Variants in EAPP observed in about 807,000 individuals in gnomAD.
EAPP encodes E2F-associated phosphoprotein.
In EAPP, 38 loss-of-function variants were observed where a neutral mutation model predicts 34.3. The observed-to-expected ratio is 1.11, with a 90% CI of 0.85 to 1.45. The LOEUF (loss-of-function observed/expected upper bound fraction) is 1.45, where lower values mean the gene tolerates loss of function less well. Ranked by LOEUF, EAPP falls within the 40% of genes most tolerant of loss-of-function variation. The pLI is 0.00. For missense variants in EAPP, 338 were observed against 343.7 expected, an observed-to-expected ratio of 0.98 and a Z score of 0.13; for synonymous variants, 113 against 117.6, an observed-to-expected ratio of 0.96 and a Z score of 0.25.
rs758806326 is a variant in EAPP at position 34,533,475 on chromosome 14, A to G, written c.321T>C (p.Phe107=). 4 of 1,612,242 alleles carry G rather than the reference A, an allele frequency of 2.5e-6. No individual in the cohort carries two copies. The highest frequency in any genetic ancestry group is 2.2e-5 in the East Asian group (1 of 44,672). The change falls in exon 3 of 6, where the codon TTT becomes TTC. Residue 107 remains phenylalanine, a synonymous_variant. Transcript: ENST00000250454. ...TGTCTTCATCCTCGGAATCAGAATC[A>G]AAATATATATCATCGTAGTACCTTG... ...APTRYYDDIY[F]DSDSEDEDRA...
At chr14:34,539,297 T>C in intron 1 of EAPP, 1 of 664,426 alleles carries the variant, frequency 1.5e-6, no homozygotes. Flanking sequence ...CAGGTTTCGA[T>C]CTCATTGCTT....
chr14:34,520,200 T>C (rs974127596), intron 5 of EAPP, among the ~76,000 whole-genome samples: 3 of 147,306 alleles, frequency 2.0e-5, no homozygotes, highest in African/African-American at 7.5e-5. Context: ...TTCTTTCTTT[T>C]CTCTCTTTAT....
At chr14:34,534,837 CA>C (rs1293986703) in intron 2 of EAPP, among the ~76,000 whole-genome samples, 1 of 91,486 alleles carries the variant, frequency 1.1e-5, no homozygotes, top group East Asian at 3.7e-4. Context: ...CCTGTCTCCA[CA>C]AATTTTTTTT....
intron 3 of EAPP, 66 bp from the exon 4 acceptor site, chr14:34,529,541 G>C: frequency 8.7e-7 from 1 of 1,143,216 alleles, no homozygotes; most frequent in Non-Finnish European, 1.3e-6. Context: ...TTTAAATGAA[G>C]AGTCTCATTT....
At chr14:34,528,488 C>G (rs1353483960) in intron 4 of EAPP, among the ~76,000 whole-genome samples, 1 of 119,304 alleles carries the variant, frequency 8.4e-6, no homozygotes, top group Non-Finnish European at 1.6e-5. Flanking sequence ...GTGGCGTGAT[C>G]TCAGCTCACT....
chr14:34,519,221 C>T (rs963319937), intron 5 of EAPP, among the ~76,000 whole-genome samples: 5 of 152,056 alleles, frequency 3.3e-5, no homozygotes, highest in African/African-American at 1.2e-4. Context: ...GCCTGCTTCC[C>T]CTTTGCCTTC....
chr14:34,529,255 G>T, intron 4 of EAPP, 103 bp downstream of exon 4: 2 of 837,254 alleles, frequency 2.4e-6, no homozygotes, highest in Non-Finnish European at 3.7e-6. Context: ...GTGTGTGTGT[G>T]TTTGTGTAAA....
chr14:34,536,934 G>A (rs537629191), intron 1 of EAPP, among the ~76,000 whole-genome samples: 29 of 152,068 alleles, frequency 1.9e-4, no homozygotes, highest in African/African-American at 6.7e-4. Context: ...CTGCACTATA[G>A]TTTTGTAGTA....
chr14:34,532,313 GC>G, intron 3 of EAPP, among the ~76,000 whole-genome samples: 1 of 151,974 alleles, frequency 6.6e-6, no homozygotes, highest in East Asian at 1.9e-4. Flanking sequence ...CAAAAAATTA[GC>G]CAGGCATGGC....
intron 5 of EAPP, among the ~76,000 whole-genome samples, chr14:34,519,970 C>T (rs1594657084): frequency 6.6e-6 from 1 of 151,424 alleles, no homozygotes; most frequent in Non-Finnish European, 1.5e-5. Context: ...CTGCAACCTC[C>T]ACCTCCCTGG....
intron 5 of EAPP, among the ~76,000 whole-genome samples, chr14:34,520,619 A>G (rs954102234): frequency 2.6e-5 from 4 of 152,120 alleles, no homozygotes; most frequent in Admixed American, 2.6e-4. Context: ...CTCGTGCCTC[A>G]GCCTCCCAAA....
chr14:34,531,202 G>A (rs1034567243), intron 3 of EAPP, among the ~76,000 whole-genome samples: 3 of 152,156 alleles, frequency 2.0e-5, no homozygotes, highest in Non-Finnish European at 4.4e-5. Context: ...CTACCAGGAA[G>A]GCTGAGGCAC....
intron 4 of EAPP, 106 bp from the exon 5 acceptor site, chr14:34,524,913 A>G (rs1880047076): frequency 2.5e-6 from 2 of 791,818 alleles, no homozygotes; most frequent in South Asian, 3.2e-5. Context: ...AGAAATGGCT[A>G]ATTCTAGGAA....
chr14:34,524,700 TGGCAATCAAG>T lies in EAPP; in HGVS notation c.568_577del (p.Leu190LysfsTer15). On this transcript the variant is annotated frameshift_variant, in exon 5 of 6. Transcript: ENST00000250454. LOFTEE classifies it high-confidence loss of function. Reference sequence around the variant, plus strand: ...GTGTGTGTCCTTCATCCATTACCTTTGGCAATCAAGGCAAAGTGTGGTCATGCAGGCAGGA... The same window carrying T: ...GTGTGTGTCCTTCATCCATTACCTTTGCAAAGTGTGGTCATGCAGGCAGGA... The T allele has an allele frequency of 6.7e-7, 1 of 1,486,338 alleles. No individual in the cohort carries two copies. Among genetic ancestry groups the T allele is most frequent in the South Asian group, 1.1e-5 (1 of 88,506 alleles). The allele number at this position is 1,486,338 out of a possible 1,614,324, so 92.1% of individuals were successfully genotyped here.
intron 4 of EAPP, among the ~76,000 whole-genome samples, chr14:34,525,037 C>T (rs567449385): frequency 6.6e-6 from 1 of 152,096 alleles, no homozygotes; most frequent in African/African-American, 2.4e-5. Context: ...CAGGAGCCAA[C>T]TGAACAAGTC....
chr14:34,517,094 T>C (rs566431504), intron 5 of EAPP, among the ~76,000 whole-genome samples: 505 of 147,490 alleles, frequency 3.4e-3, no homozygotes, highest in South Asian at 7.1e-3. Flanking sequence ...CCCGCCACCA[T>C]GCCTGGCTAA....
At position 34,519,793 on chromosome 14, in the gene EAPP, T is replaced by G. The variant is rs1374843636; in HGVS notation, c.582-3207A>C. ...TAGTATGTTTTAATCCATTGCTTTT[T>G]GATTTTGGTGAATCTATTATAGGTT... On this transcript the variant is annotated intron_variant, in intron 5 of 5. Transcript: ENST00000250454. Among the ~76,000 whole-genome samples the G allele has an allele frequency of 3.3e-5, 5 of 152,212 alleles. No homozygotes were observed. In the South Asian group the frequency reaches 8.3e-4, roughly 25 times the overall value.
chr14:34,532,062 C>T (rs1273962728), intron 3 of EAPP, among the ~76,000 whole-genome samples: 1 of 142,376 alleles, frequency 7.0e-6, no homozygotes. Context: ...GGTGACAGAG[C>T]GAGACTCCGT....
At chr14:34,519,623 T>C (rs891539090) in intron 5 of EAPP, among the ~76,000 whole-genome samples, 7 of 152,138 alleles carry the variant, frequency 4.6e-5, no homozygotes, top group Non-Finnish European at 8.8e-5. Flanking sequence ...TCTTTCTTTA[T>C]AAATTATCCA....
Sources: allele counts gnomAD v4.1 joint callset (sites outside exome capture counted in the v4.1 genomes callset), GRCh38; gene constraint gnomAD v4.1.1; transcripts MANE v1.5; gene names NCBI Gene and HGNC (gene_info 2026-07-23, HGNC 2026-07-21).